Variants in HMGB1 observed in about 807,000 individuals in gnomAD.
The protein encoded by HMGB1 is high mobility group box 1.
For synonymous variants in HMGB1, 81 were observed against 84.0 expected (o/e 0.96, Z 0.19); for missense variants, 79 against 253.5 (o/e 0.31, Z 4.67).
chr13:30,563,778 T>C (rs1046985570), intron 1 of HMGB1, among the ~76,000 whole-genome samples: 2 of 152,204 alleles, frequency 1.3e-5, no homozygotes, highest in Non-Finnish European at 2.9e-5. Flanking sequence ...GGCAAAACTG[T>C]TATGTGAGTG....
rs1305995152 is a variant in HMGB1, at chr13:30,456,773, T to TGGGG, written c.*4583_*4584insCCCC. ...AGCTTTTGTGGGCGGGGGGGGGGGGTGGTGGGGTGCAATTTATCAACATCT... is the reference window on the plus strand; with the variant it reads ...AGCTTTTGTGGGCGGGGGGGGGGGGTGGGGGGTGGGGTGCAATTTATCAACATCT... On this transcript the variant is annotated 3_prime_UTR_variant, in exon 5 of 5. Transcript: ENST00000341423. 5.6e-5 allele frequency: 1 copy of TGGGG among 17,826 alleles called. No individual in the cohort carries two copies. The highest frequency in any genetic ancestry group is 1.0e-4 in the Non-Finnish European group (1 of 9,762). 1.1% of individuals were successfully genotyped at this position (17,826 alleles called of 1,614,324 possible).
chr13:30,493,883 TG>T (rs1436202782), intron 1 of HMGB1, among the ~76,000 whole-genome samples: 1 of 150,882 alleles, frequency 6.6e-6, no homozygotes, highest in Admixed American at 6.6e-5. Flanking sequence ...GAGGCTGAGG[TG>T]GGGGAGGGTT....
At chr13:30,583,857 A>G (rs1173585681) in intron 1 of HMGB1, among the ~76,000 whole-genome samples, 1 of 150,920 alleles carries the variant, frequency 6.6e-6, no homozygotes, top group African/African-American at 2.4e-5. Context: ...GAAAGAAAGA[A>G]AGAAAGAAAG....
chr13:30,542,513 G>A (rs1424298751), intron 1 of HMGB1: 16 of 155,624 alleles, frequency 1.0e-4, no homozygotes, highest in Admixed American at 7.2e-4. Flanking sequence ...CGCTCATTCC[G>A]GGCGCTAGGC....
intron 1 of HMGB1, among the ~76,000 whole-genome samples, chr13:30,569,727 C>T (rs566198164): frequency 3.9e-5 from 6 of 152,212 alleles, no homozygotes; most frequent in South Asian, 2.1e-4. Context: ...TCCCAGAGTG[C>T]GCTCTCATGG....
At chr13:30,617,564 G>A (rs1251871664) in exon 1 of HMGB1, 2 of 152,276 alleles carry the variant, frequency 1.3e-5, no homozygotes, top group Non-Finnish European at 2.9e-5. Flanking sequence ...CGCGCAAGCA[G>A]GTCTCTTTCG....
intron 1 of HMGB1, among the ~76,000 whole-genome samples, chr13:30,563,579 C>A (rs1049590516): frequency 6.6e-6 from 1 of 152,158 alleles, no homozygotes; most frequent in African/African-American, 2.4e-5. Context: ...CACTGCACTC[C>A]AGCCTGCGCA....
intron 1 of HMGB1, among the ~76,000 whole-genome samples, chr13:30,568,326 T>C (rs1472796334): frequency 6.6e-6 from 1 of 152,092 alleles, no homozygotes; most frequent in Non-Finnish European, 1.5e-5. Context: ...AGGCAACATA[T>C]TGAGACCCCC....
chr13:30,463,736 T>C, intron 1 of HMGB1, 42 bp from the exon 2 acceptor site: 1 of 1,331,572 alleles, frequency 7.5e-7, no homozygotes, highest in South Asian at 1.4e-5. Flanking sequence ...AATAAAATTA[T>C]GACATATAAG....
chr13:30,496,866 G>C (rs1887619705), intron 1 of HMGB1, among the ~76,000 whole-genome samples: 1 of 151,988 alleles, frequency 6.6e-6, no homozygotes, highest in African/African-American at 2.4e-5. Flanking sequence ...TCAGATCAAT[G>C]CCTGCTCCCT....
At chr13:30,462,511 T>C (rs1187514652) in intron 4 of HMGB1, 27 bp downstream of exon 4, 1 of 1,590,042 alleles carries the variant, frequency 6.3e-7, no homozygotes, top group East Asian at 2.2e-5. Flanking sequence ...TTGTCATCAT[T>C]TTACCAAGCA....
In HMGB1 at chr13:30,462,694, G is replaced by A; in HGVS notation, c.315C>T (p.Phe105=). The A allele has an allele frequency of 6.2e-7, 1 of 1,610,348 alleles. No individual in the cohort carries two copies. The change falls in exon 4 of 5, where the codon TTC becomes TTT. Residue 105 remains phenylalanine (F), a synonymous_variant. Transcript: ENST00000341423. Reference sequence around the variant, plus strand: ...TGATTTTTGGGCGATACTCAGAGCAGAAGAGGAAGAAGGCCGAACTAAAAA... The same window carrying A: ...TGATTTTTGGGCGATACTCAGAGCAAAAGAGGAAGAAGGCCGAACTAAAAA... ...PKRPPSAFFL[F]CSEYRPKIKG...
intron 1 of HMGB1, among the ~76,000 whole-genome samples, chr13:30,566,976 T>C (rs967555571): frequency 2.6e-4 from 39 of 152,344 alleles, no homozygotes; most frequent in African/African-American, 8.9e-4. Context: ...CGAGTTTTGA[T>C]TTAAAAAAAT....
chr13:30,554,640 A>G (rs758249543), intron 1 of HMGB1: 1 of 772,134 alleles, frequency 1.3e-6, no homozygotes, highest in Non-Finnish European at 2.4e-6. Context: ...GAAGAAGAAA[A>G]ACTGACAGGT....
At chr13:30,493,689 T>C (rs1400419403) in intron 1 of HMGB1, among the ~76,000 whole-genome samples, 1 of 152,130 alleles carries the variant, frequency 6.6e-6, no homozygotes, top group Non-Finnish European at 1.5e-5. Flanking sequence ...TCCCAGCTAC[T>C]TGTGAGGCTG....
chr13:30,495,923 G>A (rs951881060), intron 1 of HMGB1, among the ~76,000 whole-genome samples: 1 of 152,174 alleles, frequency 6.6e-6, no homozygotes, highest in African/African-American at 2.4e-5. Flanking sequence ...CAGTTGGTCA[G>A]TGTCCTTATC....
At chr13:30,478,755 C>G (rs1430699919) in intron 1 of HMGB1, among the ~76,000 whole-genome samples, 1 of 152,194 alleles carries the variant, frequency 6.6e-6, no homozygotes, top group South Asian at 2.1e-4. Flanking sequence ...CAGCCTCAAA[C>G]TCTTGGGCTC....
At chr13:30,537,652 C>CACATAT (rs1555238611) in intron 1 of HMGB1, among the ~76,000 whole-genome samples, 2 of 68,004 alleles carry the variant, frequency 2.9e-5, no homozygotes, top group South Asian at 8.9e-4. Context: ...CATTCTTGTT[C>CACATAT]ATATATATAT....
At chr13:30,606,296 C>A (rs74043515) in intron 1 of HMGB1, among the ~76,000 whole-genome samples, 1 of 152,122 alleles carries the variant, frequency 6.6e-6, no homozygotes, top group East Asian at 1.9e-4. Context: ...TTCAGAAAAT[C>A]AATTATTCCA....
Sources: gnomAD v4.1 joint callset for allele counts (sites outside exome capture counted in the v4.1 genomes callset) on GRCh38, gnomAD v4.1.1 for gene constraint, MANE v1.5 for transcripts, NCBI Gene and HGNC (gene_info 2026-07-23, HGNC 2026-07-21) for gene names.